Variants in TBC1D31 observed in about 807,000 individuals in gnomAD.
TBC1D31 encodes WD repeat domain 67.
In TBC1D31, 99 loss-of-function variants were observed where a neutral mutation model predicts 132.9. The ratio of observed to expected loss-of-function variants is 0.74; its 90% CI spans 0.63 to 0.88. TBC1D31 has a LOEUF of 0.88. TBC1D31 is among the 40% of genes least tolerant of loss of function. The pLI, the probability that TBC1D31 is intolerant of heterozygous loss-of-function variation, is 0.00. For synonymous variants in TBC1D31, 385 were observed against 419.4 expected (o/e 0.92, Z 1.00); for missense variants, 1,134 against 1,256.6 (o/e 0.90, Z 1.48).
chr8:123,132,786 C>T (rs912275216), intron 16 of TBC1D31, among the ~76,000 whole-genome samples: 3 of 152,080 alleles, frequency 2.0e-5, no homozygotes, highest in African/African-American at 7.2e-5. Flanking sequence ...TTGTTTAAAG[C>T]TTGTTAATTT....
chr8:123,111,878 G>C (rs2130575978), intron 10 of TBC1D31, among the ~76,000 whole-genome samples: 1 of 152,110 alleles, frequency 6.6e-6, no homozygotes, highest in Middle Eastern at 3.4e-3. Flanking sequence ...TTTTGAGACA[G>C]GGCCTTGCTC....
chr8:123,123,162 T>C (rs189185072), intron 11 of TBC1D31: 1 of 152,356 alleles, frequency 6.6e-6, no homozygotes, highest in African/African-American at 2.4e-5. Flanking sequence ...GCGTTCTTTG[T>C]GCAGATTTGC....
At chr8:123,128,737 A>C (rs1262738892) in intron 14 of TBC1D31, among the ~76,000 whole-genome samples, 1 of 151,996 alleles carries the variant, frequency 6.6e-6, no homozygotes, top group South Asian at 2.1e-4. Flanking sequence ...TTAGCCAGGC[A>C]TGGTGGCACG....
chr8:123,161,430 C>G, the TBC1D31 span, among the ~76,000 whole-genome samples: 1 of 152,216 alleles, frequency 6.6e-6, no homozygotes, highest in Non-Finnish European at 1.5e-5. Flanking sequence ...TAGAGCAACC[C>G]GAAGGGCTCA....
At chr8:123,132,241 C>T (rs1461941251) in intron 16 of TBC1D31, among the ~76,000 whole-genome samples, 1 of 152,052 alleles carries the variant, frequency 6.6e-6, no homozygotes, top group Non-Finnish European at 1.5e-5. Context: ...CCTCAGTATT[C>T]TCAAATGTTT....
chr8:123,099,400 G>T (rs191053954), intron 6 of TBC1D31, among the ~76,000 whole-genome samples: 124 of 152,200 alleles, frequency 8.1e-4, no homozygotes, highest in African/African-American at 3.0e-3. Flanking sequence ...GATTACAGAT[G>T]TGAGCCACCA....
intron 16 of TBC1D31, 80 bp from the exon 17 acceptor site, chr8:123,134,034 C>G: frequency 9.1e-7 from 1 of 1,104,314 alleles, no homozygotes; most frequent in South Asian, 1.6e-5. Context: ...GTAGGTCGTT[C>G]AGATTACAGG....
the TBC1D31 span, among the ~76,000 whole-genome samples, chr8:123,163,716 A>G: frequency 2.6e-5 from 4 of 152,082 alleles, no homozygotes. Context: ...TGGGGGGTAC[A>G]GGTGGTTTTT....
intron 4 of TBC1D31, among the ~76,000 whole-genome samples, chr8:123,088,071 C>A (rs1418312156): frequency 6.6e-6 from 1 of 152,118 alleles, no homozygotes; most frequent in African/African-American, 2.4e-5. Context: ...TGCCTGTAAT[C>A]CCAGCTACTG....
downstream of TBC1D31, among the ~76,000 whole-genome samples, chr8:123,157,090 C>G (rs1262795877): frequency 1.3e-5 from 2 of 152,214 alleles, no homozygotes; most frequent in African/African-American, 4.8e-5. Flanking sequence ...GTGGTCTTGG[C>G]GGGGGTACTT....
At chr8:123,122,079 T>C (rs1431372162) in intron 11 of TBC1D31, among the ~76,000 whole-genome samples, 1 of 152,192 alleles carries the variant, frequency 6.6e-6, no homozygotes, top group Non-Finnish European at 1.5e-5. Context: ...GGACCTTCAT[T>C]TATTGCTGGT....
chr8:123,134,357 A>T, intron 17 of TBC1D31, 151 bp downstream of exon 17: 2 of 581,514 alleles, frequency 3.4e-6, no homozygotes, highest in Non-Finnish European at 6.1e-6. Flanking sequence ...ATATAGTGAG[A>T]CCCCATCTCT....
rs1820949806 is a variant in TBC1D31, at chr8:123,135,003, G to A, written c.2499+797G>A. Among the ~76,000 whole-genome samples, 4 of 152,210 alleles carry A rather than the reference G, an allele frequency of 2.6e-5. No individual in the cohort carries two copies. The South Asian group carries it at 8.3e-4, about 32-fold the overall frequency. On this transcript the variant is annotated intron_variant, in intron 17 of 21. Transcript: ENST00000287380. ...CAACCTTCACCTCCCCTGCTCCAGT[G>A]ATTCTCCCACGTCAGCCTCCCCAGT... is the stretch of plus-strand genomic sequence containing the variant.
rs547087293 is a variant in TBC1D31, at chr8:123,150,806, G to A, written c.3067+678G>A. Among the ~76,000 whole-genome samples the A allele has an allele frequency of 1.5e-4, 23 of 152,310 alleles. No homozygotes were observed. The South Asian group carries it at 1.9e-3, about 12-fold the overall frequency. ...TAAAGTATATTATTTATTTTTAAAA[G>A]GGAGGAGGAGAAAAGACACTCTGTT... On this transcript the variant is annotated intron_variant, in intron 21 of 21. Transcript: ENST00000287380.
chr8:123,118,604 A>C (rs1819175720), intron 10 of TBC1D31, among the ~76,000 whole-genome samples: 1 of 152,238 alleles, frequency 6.6e-6, no homozygotes. Context: ...CTGACAAATG[A>C]AACGCTGGTT....
intron 6 of TBC1D31, among the ~76,000 whole-genome samples, chr8:123,100,188 C>A (rs989705165): frequency 3.9e-5 from 6 of 152,112 alleles, no homozygotes; most frequent in African/African-American, 1.2e-4. Context: ...TCTTAGGGCA[C>A]CTTTCCATAG....
downstream of TBC1D31, among the ~76,000 whole-genome samples, chr8:123,154,805 G>T (rs746368538): frequency 4.6e-5 from 7 of 152,182 alleles, no homozygotes; most frequent in Non-Finnish European, 7.3e-5. Flanking sequence ...GGCAGAGCAC[G>T]ACTAGATGTC....
chr8:123,106,363 C>T (rs1817921666), intron 8 of TBC1D31, among the ~76,000 whole-genome samples: 1 of 152,216 alleles, frequency 6.6e-6, no homozygotes, highest in Non-Finnish European at 1.5e-5. Context: ...GTCACAGTAT[C>T]ACAGTGCTTG....
At chr8:123,118,225 C>T (rs1278121056) in intron 10 of TBC1D31, among the ~76,000 whole-genome samples, 1 of 150,562 alleles carries the variant, frequency 6.6e-6, no homozygotes, top group African/African-American at 2.5e-5. Context: ...AGTGGAAAAA[C>T]GGTAAAATCT....
Sources: allele counts gnomAD v4.1 joint callset (sites outside exome capture counted in the v4.1 genomes callset), GRCh38; gene constraint gnomAD v4.1.1; transcripts MANE v1.5; gene names NCBI Gene and HGNC (gene_info 2026-07-23, HGNC 2026-07-21).